The following KLHDC4 variants were observed in gnomAD, a reference collection of about 807,000 sequenced individuals.
KLHDC4 encodes the protein kelch domain-containing protein 4.
In KLHDC4, 90 loss-of-function variants were observed where a neutral mutation model predicts 62.4. The observed-to-expected ratio is 1.44, with a 90% CI of 1.22 to 1.72. KLHDC4 has a LOEUF of 1.72. Ranked by LOEUF, KLHDC4 falls within the 40% of genes most tolerant of loss-of-function variation. The pLI is 0.00. For synonymous variants in KLHDC4, 386 were observed against 284.4 expected (o/e 1.36, Z -3.59); for missense variants, 1,025 against 699.7 (o/e 1.47, Z -5.25).
intron 7 of KLHDC4, among the ~76,000 whole-genome samples, chr16:87,715,422 G>A (rs976912834): frequency 9.2e-5 from 14 of 152,030 alleles, no homozygotes; most frequent in African/African-American, 2.9e-4. Context: ...ACCCGTTACC[G>A]GGAGCGTGGC....
intron 5 of KLHDC4, 41 bp downstream of exon 5, chr16:87,748,632 A>C: frequency 6.2e-7 from 1 of 1,612,344 alleles, no homozygotes. Context: ...CAAGCACAGA[A>C]GAGCCATGCC....
In KLHDC4 at chr16:87,761,901, G is replaced by A. The variant is rs756519623; in HGVS notation, c.191+48C>T. 5.1e-6 allele frequency: 8 copies of A among 1,571,872 alleles called. No individual in the cohort carries two copies. The South Asian group carries it at 5.6e-5, about 11-fold the overall frequency. On this transcript the variant is annotated intron_variant, in intron 2 of 11. Coordinates refer to ENST00000270583, the MANE Select transcript of KLHDC4 (RefSeq NM_017566.4). Reference sequence around the variant, plus strand: ...GTGCTATTTAAAGCAGTTTTTCAATGTATAGAAGAAAAGGAAACATACAAT... The same window carrying A: ...GTGCTATTTAAAGCAGTTTTTCAATATATAGAAGAAAAGGAAACATACAAT...
At chr16:87,726,720 T>C in intron 7 of KLHDC4, 45 bp downstream of exon 7, 1 of 1,352,054 alleles carries the variant, frequency 7.4e-7, no homozygotes. Flanking sequence ...GCCTCGCCTG[T>C]TTCCCGGTCC....
exon 1 of KLHDC4, chr16:87,700,510 G>T (rs2034085261): frequency 5.9e-6 from 1 of 168,240 alleles, no homozygotes; most frequent in Non-Finnish European, 1.3e-5. Context: ...GGTGGAGGGA[G>T]GAGGGAGGAA....
At chr16:87,720,556 G>C (rs906950273) in intron 7 of KLHDC4, among the ~76,000 whole-genome samples, 1 of 152,202 alleles carries the variant, frequency 6.6e-6, no homozygotes, top group Non-Finnish European at 1.5e-5. Context: ...CGCCCCTGGG[G>C]AGACGCCGCA....
exon 1 of KLHDC4, chr16:87,700,714 AGGGAGGAGGTTGGAGGGCG>A (rs2034103146): frequency 6.3e-6 from 1 of 159,144 alleles, no homozygotes; most frequent in Non-Finnish European, 1.1e-5. Flanking sequence ...TGGAGGGCGG[AGGGAGGAGGTTGGAGGGCG>A]GAGGGGAGGA....
Position 87,755,219 on chromosome 16 carries a change from G to C in KLHDC4, c.344C>G (p.Pro115Arg), listed in dbSNP as rs756674355. The C allele has an allele frequency of 5.0e-5, 80 of 1,610,618 alleles. No individual in the cohort carries two copies. Among genetic ancestry groups the C allele is most frequent in the Non-Finnish European group, 6.5e-5 (77 of 1,177,050 alleles). ...DTWTKVDIPS[P>R]PPRRCAHQAV... ...CTGGTGAGCACAGCGCCTCGGAGGTGGACTGGGGATGTCAACTTTGGTCCA... is the reference window on the plus strand; with the variant it reads ...CTGGTGAGCACAGCGCCTCGGAGGTCGACTGGGGATGTCAACTTTGGTCCA... The change falls in exon 4 of 12, where the codon CCA becomes CGA. Residue 115 changes from proline to arginine, a missense_variant. Physicochemically the swap from Pro to Arg is moderately radical, Grantham distance 103. Transcript: ENST00000270583.
chr16:87,724,340 G>A (rs950030335), intron 7 of KLHDC4, among the ~76,000 whole-genome samples: 2 of 152,072 alleles, frequency 1.3e-5, no homozygotes, highest in Non-Finnish European at 2.9e-5. Context: ...ATCACAGACC[G>A]CAATAATCAC....
At chr16:87,753,083 G>A (rs1394986338) in intron 4 of KLHDC4, among the ~76,000 whole-genome samples, 1 of 152,214 alleles carries the variant, frequency 6.6e-6, no homozygotes, top group Non-Finnish European at 1.5e-5. Context: ...GTCTTGCATA[G>A]CTGAGGAGAC....
At chr16:87,742,486 C>A (rs2042378254) in intron 5 of KLHDC4, among the ~76,000 whole-genome samples, 1 of 152,172 alleles carries the variant, frequency 6.6e-6, no homozygotes, top group Non-Finnish European at 1.5e-5. Flanking sequence ...ATCAGTTGAA[C>A]AATATTCAAA....
chr16:87,753,904 C>T (rs920351585), intron 4 of KLHDC4, among the ~76,000 whole-genome samples: 15 of 144,874 alleles, frequency 1.0e-4, no homozygotes, highest in Admixed American at 5.1e-4. Context: ...ACCCGGCAGG[C>T]GGAGGTTGTA....
chr16:87,714,630 ACCC>A, intron 7 of KLHDC4, 57 bp from the exon 8 acceptor site: 1 of 1,578,688 alleles, frequency 6.3e-7, no homozygotes, highest in African/African-American at 1.3e-5. Flanking sequence ...TTGCTTACAG[ACCC>A]CCCAACCCTG....
chr16:87,748,014 T>C (rs2043298883), intron 5 of KLHDC4, among the ~76,000 whole-genome samples: 1 of 152,200 alleles, frequency 6.6e-6, no homozygotes, highest in Non-Finnish European at 1.5e-5. Context: ...AGAAGGACAC[T>C]AACAACTCTA....
rs747953568 is a variant in KLHDC4, at chr16:87,755,220, G to A, written c.343C>T (p.Pro115Ser). Residue 115 changes from proline (P) to serine (S), a missense_variant, in exon 4 of 12, where the codon CCA becomes TCA. Transcript: ENST00000270583. ...TGGTGAGCACAGCGCCTCGGAGGTG[G>A]ACTGGGGATGTCAACTTTGGTCCAG... ...DTWTKVDIPSPPPRRCAHQAV... is the reference protein window; with the variant it reads ...DTWTKVDIPSSPPRRCAHQAV... 5.1e-5 allele frequency: 82 copies of A among 1,611,130 alleles called. No individual in the cohort carries two copies. Among genetic ancestry groups the A allele is most frequent in the African/African-American group, 2.7e-5 (2 of 74,860 alleles).
chr16:87,712,217 C>T (rs1402653532), intron 8 of KLHDC4, among the ~76,000 whole-genome samples: 1 of 152,178 alleles, frequency 6.6e-6, no homozygotes, highest in Non-Finnish European at 1.5e-5. Flanking sequence ...GCCCAATGTG[C>T]AGATGTCTCC....
At chr16:87,757,459 T>C (rs1247146640) in intron 2 of KLHDC4, 2 of 139,094 alleles carry the variant, frequency 1.4e-5, no homozygotes, top group African/African-American at 2.8e-5. Context: ...AGAGCAAGAT[T>C]CCATCTGAAA....
chr16:87,699,607 G>A (rs577029730), exon 1 of KLHDC4: 15 of 152,614 alleles, frequency 9.8e-5, no homozygotes, highest in African/African-American at 3.6e-4. Context: ...GCTGAGGCAG[G>A]AGAATCGCTT....
intron 9 of KLHDC4, 160 bp downstream of exon 9, chr16:87,711,075 A>T: frequency 1.5e-6 from 1 of 655,198 alleles, no homozygotes; most frequent in Non-Finnish European, 2.6e-6. Context: ...CTCCAAGCCT[A>T]GTCACCCAGG....
At chr16:87,760,860 C>G (rs2045778735) in intron 2 of KLHDC4, among the ~76,000 whole-genome samples, 1 of 151,918 alleles carries the variant, frequency 6.6e-6, no homozygotes, top group South Asian at 2.1e-4. Context: ...TGGCAAAACC[C>G]CATCTCTACT....
Sources: gnomAD v4.1 joint callset for allele counts (sites outside exome capture counted in the v4.1 genomes callset) on GRCh38, gnomAD v4.1.1 for gene constraint, MANE v1.5 for transcripts, NCBI Gene and HGNC (gene_info 2026-07-23, HGNC 2026-07-21) for gene names.